The following LMF1 variants were observed in gnomAD, a reference collection of about 807,000 sequenced individuals.
LMF1 encodes the protein lipase maturation factor 1.
In LMF1, 68 loss-of-function variants were observed where a neutral mutation model predicts 60.6. The ratio of observed to expected loss-of-function variants is 1.12; its 90% CI spans 0.92 to 1.37. The LOEUF (loss-of-function observed/expected upper bound fraction) is 1.37, where lower values mean the gene tolerates loss of function less well. LMF1 is among the 40% of genes most tolerant of loss of function. The pLI is 0.00. For synonymous variants in LMF1, 418 were observed against 324.7 expected (o/e 1.29, Z -3.09); for missense variants, 948 against 767.2 (o/e 1.24, Z -2.78).
At chr16:888,956 TG>T (rs1300871928) in intron 5 of LMF1, among the ~76,000 whole-genome samples, 1 of 152,176 alleles carries the variant, frequency 6.6e-6, no homozygotes, top group Non-Finnish European at 1.5e-5. Flanking sequence ...CCTGGGATCC[TG>T]GGGGTCCTCA....
chr16:857,369 G>GT (rs532909022), intron 10 of LMF1, among the ~76,000 whole-genome samples: 126 of 152,362 alleles, frequency 8.3e-4, no homozygotes, highest in African/African-American at 2.9e-3. Flanking sequence ...CGATTTCTTG[G>GT]TATCTTTGCC....
chr16:866,955 C>G (rs754060392), intron 10 of LMF1, among the ~76,000 whole-genome samples: 1 of 152,176 alleles, frequency 6.6e-6, no homozygotes, highest in Non-Finnish European at 1.5e-5. Context: ...CACCTTCGGT[C>G]TTCCTGTTTT....
chr16:918,389 C>A (rs905622102), intron 3 of LMF1, among the ~76,000 whole-genome samples: 1 of 152,222 alleles, frequency 6.6e-6, no homozygotes, highest in African/African-American at 2.4e-5. Flanking sequence ...ATGACCTTAG[C>A]TATCTTTATT....
intron 2 of LMF1, among the ~76,000 whole-genome samples, chr16:935,094 G>A (rs2071902542): frequency 6.6e-6 from 1 of 151,710 alleles, no homozygotes; most frequent in Non-Finnish European, 1.5e-5. Context: ...TTTATCCTGG[G>A]GTTGATCAGA....
At chr16:968,994 A>C (rs560901684) in intron 1 of LMF1, 1 of 152,312 alleles carries the variant, frequency 6.6e-6, no homozygotes, top group Non-Finnish European at 1.5e-5. Flanking sequence ...ACTGTTTAAT[A>C]CTGTGGAGGG....
Position 869,027 on chromosome 16 carries a change from GTGGATGA to G in LMF1, c.1439_1445del (p.Ile480ThrfsTer71), listed in dbSNP as rs771590528. On this transcript the variant is annotated frameshift_variant, in exon 10 of 11. Coordinates refer to ENST00000262301, the MANE Select transcript of LMF1 (RefSeq NM_022773.4). LOFTEE classifies it high-confidence loss of function. ...CGCTGGCCAGGAGCTTGCCAGCCAG[GTGGATGA>G]TCCAGTCGTTGTGCTCGTAGGTCTG... 2.5e-6 allele frequency: 4 copies of G among 1,612,628 alleles called. No individual in the cohort carries two copies. In the South Asian group the frequency reaches 4.4e-5, roughly 18 times the overall value.
chr16:859,215 C>G (rs77022630), intron 10 of LMF1, among the ~76,000 whole-genome samples: 1 of 99,986 alleles, frequency 1.0e-5, no homozygotes, highest in South Asian at 3.2e-4. Flanking sequence ...TGTCTCGGGA[C>G]GGGTGTGCAG....
chr16:920,054 C>T (rs1266312516), intron 3 of LMF1, among the ~76,000 whole-genome samples: 5 of 151,624 alleles, frequency 3.3e-5, no homozygotes, highest in African/African-American at 1.2e-4. Flanking sequence ...GTCGGCTTAG[C>T]CCCCAACACG....
chr16:957,081 C>T (rs976841959), intron 1 of LMF1, among the ~76,000 whole-genome samples: 1 of 151,652 alleles, frequency 6.6e-6, no homozygotes, highest in Admixed American at 6.6e-5. Context: ...CACTTGAACC[C>T]GGGAGGCTGC....
intron 3 of LMF1, among the ~76,000 whole-genome samples, chr16:918,627 G>A (rs1030807152): frequency 3.9e-5 from 6 of 152,074 alleles, no homozygotes; most frequent in African/African-American, 1.5e-4. Context: ...CGTGGGCTGC[G>A]GGGACGTTGT....
intron 4 of LMF1, among the ~76,000 whole-genome samples, chr16:908,604 C>T (rs546327261): frequency 1.3e-5 from 2 of 152,250 alleles, no homozygotes; most frequent in Non-Finnish European, 2.9e-5. Context: ...CCTGCTGCCT[C>T]CAGCTGCTTC....
At chr16:940,106 G>A (rs1303437348) in intron 2 of LMF1, among the ~76,000 whole-genome samples, 5 of 152,124 alleles carry the variant, frequency 3.3e-5, no homozygotes, top group South Asian at 2.1e-4. Flanking sequence ...GGGGGTGCCC[G>A]GAGCCTCCAG....
chr16:910,564 C>G lies in LMF1; in HGVS notation c.663+367G>C, dbSNP rs555666066. On this transcript the variant is annotated intron_variant, in intron 4 of 10. Transcript: ENST00000262301. ...GGCCTGAGACTCTGTCATTTAAAAA[C>G]GAGCTCTGAAATATTTCGGACACTC... Among the ~76,000 whole-genome samples, 4 of 152,306 alleles carry G rather than the reference C, an allele frequency of 2.6e-5. No homozygotes were observed. The East Asian group carries it at 7.7e-4, about 29-fold the overall frequency.
At chr16:881,759 A>G (rs1450006127) in intron 5 of LMF1, among the ~76,000 whole-genome samples, 1 of 152,208 alleles carries the variant, frequency 6.6e-6, no homozygotes, top group African/African-American at 2.4e-5. Flanking sequence ...TGCAGGAGGC[A>G]GCAGGCTTGG....
chr16:941,356 A>C (rs1053515423), intron 2 of LMF1, among the ~76,000 whole-genome samples: 2 of 151,962 alleles, frequency 1.3e-5, no homozygotes, highest in South Asian at 4.2e-4. Context: ...AGTGGCTGGG[A>C]CTACAGGCAC....
intron 2 of LMF1, among the ~76,000 whole-genome samples, chr16:953,937 G>T (rs866251869): frequency 1.1e-5 from 1 of 87,308 alleles, no homozygotes; most frequent in Non-Finnish European, 2.4e-5. Context: ...CTTCCTACAC[G>T]TCCACACAGA....
chr16:870,217 G>T (rs1191403577), intron 8 of LMF1, among the ~76,000 whole-genome samples, 151 bp from the exon 9 acceptor site: 2 of 152,204 alleles, frequency 1.3e-5, no homozygotes, highest in Non-Finnish European at 2.9e-5. Context: ...CTACTGAGAG[G>T]CTGGGTGGGG....
At chr16:863,941 C>T (rs2069539601) in intron 10 of LMF1, among the ~76,000 whole-genome samples, 1 of 152,232 alleles carries the variant, frequency 6.6e-6, no homozygotes, top group African/African-American at 2.4e-5. Context: ...CAATGGGTGG[C>T]ATATTCTATA....
rs752743392 is a variant in LMF1 at position 870,868 on chromosome 16, G to A, written c.1093C>T (p.Arg365Cys). 15 of 1,608,516 alleles carry A rather than the reference G, an allele frequency of 9.3e-6. No individual in the cohort carries two copies. The highest frequency in any genetic ancestry group is 3.3e-4 in the Middle Eastern group (2 of 6,060). Reference protein sequence around the residue: ...PEPRFGSVVRRAANVSLGVLL... With the variant: ...PEPRFGSVVRCAANVSLGVLL... ...ACGCCCAGCGAGACGTTGGCTGCAC[G>A]CCGCACCACGGAGCCTGGCAGGGGA... Residue 365 changes from arginine (R) to cysteine (C), a missense_variant, in exon 8 of 11, where the codon CGT becomes TGT. By Grantham distance (180) the Arg-to-Cys change is radical. Transcript: ENST00000262301.
Sources: gnomAD v4.1 joint callset for allele counts (sites outside exome capture counted in the v4.1 genomes callset) on GRCh38, gnomAD v4.1.1 for gene constraint, MANE v1.5 for transcripts, NCBI Gene and HGNC (gene_info 2026-07-23, HGNC 2026-07-21) for gene names.